ENTHD1: variants seen among roughly 807,000 people sequenced by gnomAD.
The protein encoded by ENTHD1 is ENTH domain containing 1.
Under a neutral mutation model 39.1 loss-of-function variants are expected in ENTHD1, and 23 were observed. The ratio of observed to expected loss-of-function variants is 0.59; its 90% confidence interval spans 0.42 to 0.83. The LOEUF (loss-of-function observed/expected upper bound fraction) is 0.83. Among genes scored for constraint, ENTHD1 ranks in the 40% least tolerant of loss-of-function variants. The pLI is 0.00. For synonymous variants in ENTHD1, 230 were observed against 258.2 expected (o/e 0.89, Z 1.05); for missense variants, 624 against 705.4 (o/e 0.88, Z 1.31).
At chr22:39,774,681 G>C (rs530156909) in intron 5 of ENTHD1, among the ~76,000 whole-genome samples, 46 of 152,232 alleles carry the variant, frequency 3.0e-4, no homozygotes, top group African/African-American at 1.1e-3. Flanking sequence ...TGGTTTACAA[G>C]GCTCTGCATA....
intron 5 of ENTHD1, among the ~76,000 whole-genome samples, chr22:39,814,295 C>CAAAAAAAAAAAAAAT (rs1555930545): frequency 1.2e-3 from 119 of 97,712 alleles, no homozygotes; most frequent in African/African-American, 3.8e-3. Context: ...CCCATCTCTA[C>CAAAAAAAAAAAAAAT]AAAAAAAAAA....
intron 5 of ENTHD1, among the ~76,000 whole-genome samples, chr22:39,782,730 T>C (rs577658631): frequency 6.6e-6 from 1 of 152,278 alleles, no homozygotes; most frequent in East Asian, 1.9e-4. Context: ...TTTCAATCAA[T>C]AGATGCAGAA....
intron 5 of ENTHD1, among the ~76,000 whole-genome samples, chr22:39,795,302 C>T (rs556345647): frequency 6.6e-6 from 1 of 152,222 alleles, no homozygotes; most frequent in South Asian, 2.1e-4. Flanking sequence ...ATTTCCTCCT[C>T]TTGAGTTTTT....
At chr22:39,837,993 A>C (rs989990792) in intron 3 of ENTHD1, among the ~76,000 whole-genome samples, 1 of 152,222 alleles carries the variant, frequency 6.6e-6, no homozygotes, top group Non-Finnish European at 1.5e-5. Flanking sequence ...TTACCAACCT[A>C]GATTATATGG....
At chr22:39,833,220 T>G (rs149551626) in intron 4 of ENTHD1, among the ~76,000 whole-genome samples, 167 of 152,194 alleles carry the variant, frequency 1.1e-3, no homozygotes, top group African/African-American at 3.9e-3. Flanking sequence ...GAAGAAATAC[T>G]CTTCACTCTC....
chr22:39,859,218 A>C (rs776980309), intron 3 of ENTHD1, among the ~76,000 whole-genome samples: 6 of 152,214 alleles, frequency 3.9e-5, no homozygotes, highest in Non-Finnish European at 7.3e-5. Flanking sequence ...CTTTGGCTTA[A>C]GTGATAATGG....
intron 5 of ENTHD1, among the ~76,000 whole-genome samples, chr22:39,819,379 AAC>A (rs1387905528): frequency 5.3e-5 from 8 of 151,338 alleles, no homozygotes; most frequent in South Asian, 2.1e-4. Flanking sequence ...CAAAAACAAA[AAC>A]AAAAAAAGAA....
intron 5 of ENTHD1, among the ~76,000 whole-genome samples, chr22:39,794,488 A>G (rs1288314879): frequency 1.3e-5 from 2 of 152,030 alleles, no homozygotes; most frequent in African/African-American, 2.4e-5. Flanking sequence ...TTCCAGTACT[A>G]TGTTGAATAG....
At chr22:39,779,960 A>C (rs980949150) in intron 5 of ENTHD1, among the ~76,000 whole-genome samples, 12 of 152,224 alleles carry the variant, frequency 7.9e-5, no homozygotes, top group African/African-American at 2.9e-4. Context: ...TAAAATGAAA[A>C]GCAATGAATT....
intron 2 of ENTHD1, among the ~76,000 whole-genome samples, chr22:39,869,724 T>C (rs1419491588): frequency 1.3e-5 from 2 of 151,806 alleles, no homozygotes; most frequent in East Asian, 1.9e-4. Flanking sequence ...GGAATCTATA[T>C]TCTATGATTT....
intron 5 of ENTHD1, among the ~76,000 whole-genome samples, chr22:39,778,364 T>C (rs1401361843): frequency 6.6e-6 from 1 of 152,180 alleles, no homozygotes; most frequent in Non-Finnish European, 1.5e-5. Context: ...AGAGAACTGG[T>C]ATACTATGTA....
chr22:39,812,822 G>A (rs999949465), intron 5 of ENTHD1, among the ~76,000 whole-genome samples: 25 of 151,934 alleles, frequency 1.6e-4, no homozygotes, highest in African/African-American at 4.8e-4. Flanking sequence ...TTGCTCTGTC[G>A]CCCAGGCTGC....
intron 6 of ENTHD1, among the ~76,000 whole-genome samples, chr22:39,762,602 C>T (rs1402749449): frequency 1.3e-5 from 2 of 152,006 alleles, no homozygotes; most frequent in African/African-American, 2.4e-5. Context: ...CAGGCACATG[C>T]TACCACATCT....
At chr22:39,838,446 A>G (rs2065921555) in intron 3 of ENTHD1, among the ~76,000 whole-genome samples, 1 of 152,142 alleles carries the variant, frequency 6.6e-6, no homozygotes, top group South Asian at 2.1e-4. Context: ...GAATTGACTG[A>G]CACTATTATA....
chr22:39,810,237 G>A (rs1252715601), intron 5 of ENTHD1, among the ~76,000 whole-genome samples: 5 of 152,154 alleles, frequency 3.3e-5, no homozygotes, highest in East Asian at 1.9e-4. Context: ...GTACTTATCC[G>A]ATATTGGCTC....
chr22:39,766,986 C>CA (rs1345866009), intron 5 of ENTHD1, among the ~76,000 whole-genome samples: 1 of 152,158 alleles, frequency 6.6e-6, no homozygotes, highest in Admixed American at 6.5e-5. Context: ...TGTCTATCTT[C>CA]ACATGTCCTG....
rs1332909526 is a variant in ENTHD1, at chr22:39,867,398, T to C, written c.350-5391A>G. On this transcript the variant is annotated intron_variant, in intron 2 of 6. Transcript: ENST00000325157. This position sits in a 1 kb window ranked among gnomAD's most constrained non-coding sequence, Gnocchi z 4.5. ...TGTCTCTATTCCTGACCTACTGCCC[T>C]ACCAAAATCTACTCTTCTTCCCATA... Among the ~76,000 whole-genome samples the C allele has an allele frequency of 2.6e-5, 4 of 152,142 alleles. No homozygotes were observed. The East Asian group carries it at 7.7e-4, about 29-fold the overall frequency.
chr22:39,743,262 C>A lies in ENTHD1; in HGVS notation c.*417G>T, dbSNP rs1330716981. The A allele has an allele frequency of 6.5e-6, 1 of 154,252 alleles. No homozygotes were observed. The highest frequency in any genetic ancestry group is 2.4e-5 in the African/African-American group (1 of 41,478). 9.6% of individuals were successfully genotyped at this position (154,252 alleles called of 1,614,324 possible). A position where few individuals can be genotyped will look rare whatever the true frequency, so the allele number is the denominator to read the frequency against. On this transcript the variant is annotated 3_prime_UTR_variant, in exon 7 of 7. Transcript: ENST00000325157. ...TGAAATGTATACCCCCAAACTCAAT[C>A]CTCCTAGGTCACCTCAGAGGCTTGT...
intron 3 of ENTHD1, 125 bp downstream of exon 3, chr22:39,861,640 G>A: frequency 2.6e-6 from 2 of 771,264 alleles, no homozygotes. Flanking sequence ...ATAGTATGAA[G>A]CCTAATATGG....
Sources: gnomAD v4.1 joint callset for allele counts (sites outside exome capture counted in the v4.1 genomes callset) on GRCh38, gnomAD v4.1.1 for gene constraint, Gnocchi (gnomAD v3.1) non-coding constraint, MANE v1.5 for transcripts, NCBI Gene and HGNC (gene_info 2026-07-23, HGNC 2026-07-21) for gene names.